Variants in TTC28 observed in about 807,000 individuals in gnomAD.
TTC28 encodes tetratricopeptide repeat domain 28.
Under a neutral mutation model 198.0 loss-of-function variants are expected in TTC28, and 61 were observed. The ratio of observed to expected loss-of-function variants is 0.31; its 90% confidence interval spans 0.25 to 0.38. The LOEUF is 0.38. TTC28 is among the 10% of genes least tolerant of loss of function. TTC28 has a pLI of 1.00. For synonymous variants in TTC28, 1,171 were observed against 1,297.8 expected (o/e 0.90, Z 2.10); for missense variants, 2,678 against 3,164.0 (o/e 0.85, Z 3.69).
chr22:28,121,857 G>A (rs1184164193), intron 6 of TTC28, among the ~76,000 whole-genome samples: 3 of 152,030 alleles, frequency 2.0e-5, no homozygotes, highest in Non-Finnish European at 4.4e-5. Flanking sequence ...GTAAGCGTTT[G>A]TTTTTGTTTT....
intron 6 of TTC28, among the ~76,000 whole-genome samples, chr22:28,138,395 T>TA (rs1452127966): frequency 6.6e-6 from 1 of 152,220 alleles, no homozygotes; most frequent in Non-Finnish European, 1.5e-5. Context: ...TCACATATTT[T>TA]AAAAAACACT....
chr22:28,459,286 C>T (rs1390250828), intron 2 of TTC28, among the ~76,000 whole-genome samples: 1 of 151,924 alleles, frequency 6.6e-6, no homozygotes, highest in Non-Finnish European at 1.5e-5. Flanking sequence ...AAAAAATTAC[C>T]CAGGCATGGT....
intron 5 of TTC28, among the ~76,000 whole-genome samples, chr22:28,224,069 G>A (rs1345811961): frequency 6.6e-6 from 1 of 152,210 alleles, no homozygotes; most frequent in Non-Finnish European, 1.5e-5. Flanking sequence ...ACTTGTGGTA[G>A]GAGAGTTGCT....
chr22:28,280,257 T>C (rs1310546984), intron 5 of TTC28, among the ~76,000 whole-genome samples: 1 of 152,150 alleles, frequency 6.6e-6, no homozygotes, highest in African/African-American at 2.4e-5. Context: ...AATCCTACAA[T>C]TCAACGCTAT....
At chr22:28,256,964 C>A (rs904632657) in intron 5 of TTC28, among the ~76,000 whole-genome samples, 2 of 152,174 alleles carry the variant, frequency 1.3e-5, no homozygotes, top group South Asian at 4.1e-4. Flanking sequence ...TGTCTGAGCT[C>A]AGGAGTTTGA....
intron 2 of TTC28, among the ~76,000 whole-genome samples, chr22:28,497,834 G>A (rs550117408): frequency 6.6e-6 from 1 of 152,232 alleles, no homozygotes; most frequent in African/African-American, 2.4e-5. Flanking sequence ...GGAGGAGTGA[G>A]GAATAGGGCT....
chr22:28,617,981 G>A (rs1480981745), intron 2 of TTC28, among the ~76,000 whole-genome samples: 1 of 151,974 alleles, frequency 6.6e-6, no homozygotes, highest in Non-Finnish European at 1.5e-5. Context: ...CAAAATAAAT[G>A]GCTGTTGTTG....
chr22:28,341,766 G>C (rs1395765382), intron 2 of TTC28, among the ~76,000 whole-genome samples: 1 of 151,738 alleles, frequency 6.6e-6, no homozygotes, highest in Non-Finnish European at 1.5e-5. Flanking sequence ...CTCCAGCCTG[G>C]GTGACAGAGT....
At chr22:28,270,849 C>T (rs2145704826) in intron 5 of TTC28, among the ~76,000 whole-genome samples, 1 of 152,176 alleles carries the variant, frequency 6.6e-6, no homozygotes, top group East Asian at 1.9e-4. Context: ...GCCTGGGCAA[C>T]ATAGCGAGAC....
chr22:28,070,165 T>C (rs1940913574), intron 12 of TTC28, among the ~76,000 whole-genome samples: 1 of 152,222 alleles, frequency 6.6e-6, no homozygotes, highest in South Asian at 2.1e-4. Context: ...AACTACTTCA[T>C]GTAATCATTC....
At chr22:28,634,505 CAAAAA>C (rs900765994) in intron 1 of TTC28, among the ~76,000 whole-genome samples, 1 of 45,542 alleles carries the variant, frequency 2.2e-5, no homozygotes, top group Admixed American at 2.3e-4. Flanking sequence ...GACTCCATCT[CAAAAA>C]AAAAAAAAAA....
intron 2 of TTC28, among the ~76,000 whole-genome samples, chr22:28,491,003 AGTTT>A (rs1171869639): frequency 1.3e-5 from 2 of 152,218 alleles, no homozygotes; most frequent in Non-Finnish European, 2.9e-5. Flanking sequence ...ATATTCAAGA[AGTTT>A]GTTTATTTGA....
chr22:28,515,017 C>T (rs1014872311), intron 2 of TTC28, among the ~76,000 whole-genome samples: 2 of 152,170 alleles, frequency 1.3e-5, no homozygotes, highest in Non-Finnish European at 2.9e-5. Flanking sequence ...TGATGGCTCT[C>T]GTTGCTACAG....
chr22:28,169,124 C>G (rs1407787130), intron 5 of TTC28, among the ~76,000 whole-genome samples: 1 of 152,122 alleles, frequency 6.6e-6, no homozygotes, highest in Non-Finnish European at 1.5e-5. Flanking sequence ...CACAATGATA[C>G]ACCATCGCAC....
chr22:28,357,786 C>T (rs1041439572), intron 2 of TTC28, among the ~76,000 whole-genome samples: 1 of 152,160 alleles, frequency 6.6e-6, no homozygotes, highest in Admixed American at 6.5e-5. Flanking sequence ...CACACCTTGA[C>T]CCACCAATGT....
intron 5 of TTC28, among the ~76,000 whole-genome samples, chr22:28,191,442 G>A (rs140310585): frequency 3.3e-3 from 498 of 152,336 alleles, no homozygotes; most frequent in African/African-American, 0.012. Context: ...GACAGTGGGT[G>A]CAGGTCAGTG....
intron 6 of TTC28, among the ~76,000 whole-genome samples, chr22:28,157,352 G>A (rs568450610): frequency 1.3e-5 from 2 of 152,274 alleles, no homozygotes; most frequent in Admixed American, 1.3e-4. Context: ...TGGCTTCATT[G>A]ATGAATTCTA....
At chr22:28,583,468 A>G (rs1206199895) in intron 2 of TTC28, among the ~76,000 whole-genome samples, 1 of 152,222 alleles carries the variant, frequency 6.6e-6, no homozygotes, top group Non-Finnish European at 1.5e-5. Context: ...GCAATACAAC[A>G]GAAGGTTAAG....
intron 6 of TTC28, among the ~76,000 whole-genome samples, chr22:28,155,367 A>G (rs1243269076): frequency 6.6e-6 from 1 of 152,222 alleles, no homozygotes; most frequent in African/African-American, 2.4e-5. Context: ...TTGTGTAAGG[A>G]GTTACACTCA....
Sources: allele counts gnomAD v4.1 joint callset (sites outside exome capture counted in the v4.1 genomes callset), GRCh38; gene constraint gnomAD v4.1.1; transcripts MANE v1.5; gene names NCBI Gene and HGNC (gene_info 2026-07-23, HGNC 2026-07-21).